Variants in BFSP1 observed in about 807,000 individuals in gnomAD.
BFSP1 encodes the protein beaded filament structural protein 1, also known as filensin.
In BFSP1, 38 loss-of-function variants were observed where a neutral mutation model predicts 43.9. The observed-to-expected ratio is 0.87, with a 90% confidence interval of 0.67 to 1.14. The LOEUF (loss-of-function observed/expected upper bound fraction) is 1.14, where lower values mean the gene tolerates loss of function less well. Among genes scored for constraint, BFSP1 ranks in the 50% most tolerant of loss-of-function variants. The pLI is 0.00. For missense variants in BFSP1, 850 were observed against 875.1 expected, an observed-to-expected ratio of 0.97 and a Z score of 0.36; for synonymous variants, 352 against 354.8, an observed-to-expected ratio of 0.99 and a Z score of 0.09.
In BFSP1 at chr20:17,497,559, T is replaced by TAC. The variant is rs1600630448; in HGVS notation, c.957-537_957-536insGT. On this transcript the variant is annotated intron_variant, in intron 6 of 7. Transcript: ENST00000377873. Reference sequence around the variant, plus strand: ...GTATATATGTGTGTATATATGTATATGTGTGTGTATATGTATATATACGTA... The same window carrying TAC: ...GTATATATGTGTGTATATATGTATATACGTGTGTGTATATGTATATATACGTA... 1.6e-4 allele frequency among the ~76,000 whole-genome samples: 6 copies of TAC among 37,930 alleles called. No homozygotes were observed. The East Asian group carries it at 5.6e-3, about 35-fold the overall frequency. The allele number at this position is 37,930 out of a possible 152,430, so 24.9% of individuals were successfully genotyped here.
At chr20:17,558,759 GC>G in exon 1 of BFSP1, 1 of 1,547,448 alleles carries the variant, frequency 6.5e-7, no homozygotes. Flanking sequence ...AAGGTGTGCT[GC>G]CTGCTGCCTG....
In BFSP1 at chr20:17,568,865, G is replaced by C. The variant is rs1049541594; in HGVS notation, n.50+306C>G. Among the ~76,000 whole-genome samples the C allele has an allele frequency of 2.6e-5, 4 of 151,544 alleles. No individual in the cohort carries two copies. The East Asian group carries it at 5.8e-4, about 22-fold the overall frequency. ...ATATTTGGAGAATTAAAATAGTTTT[G>C]GTCGAGGCCATGATGTTCTCGGTAA... On this transcript the variant is annotated intron_variant and non_coding_transcript_variant, in intron 1 of 6. Coordinates refer to the BFSP1 transcript ENST00000473415.
At chr20:17,542,602 A>C (rs1463714686) in intron 1 of BFSP1, among the ~76,000 whole-genome samples, 3 of 152,134 alleles carry the variant, frequency 2.0e-5, no homozygotes, top group Non-Finnish European at 4.4e-5. Flanking sequence ...CCATCTTAAA[A>C]AGAAAAAAAA....
chr20:17,509,187 TG>T (rs1471914247), intron 4 of BFSP1, among the ~76,000 whole-genome samples, 191 bp from the exon 5 acceptor site: 1 of 152,046 alleles, frequency 6.6e-6, no homozygotes, highest in Non-Finnish European at 1.5e-5. Context: ...GTCATGAGGA[TG>T]GGGGGCCCCA....
chr20:17,499,261 T>C lies in BFSP1; in HGVS notation c.736-221A>G, dbSNP rs2033734083. 3.6e-5 allele frequency among the ~76,000 whole-genome samples: 5 copies of C among 137,956 alleles called. No individual in the cohort carries two copies. In the Admixed American group the frequency reaches 3.7e-4, roughly 10 times the overall value. 90.5% of individuals were successfully genotyped at this position (137,956 alleles called of 152,430 possible). On this transcript the variant is annotated intron_variant, in intron 5 of 7. Coordinates refer to ENST00000377873, the MANE Select transcript of BFSP1 (RefSeq NM_001195.5). ...TACACAATTTTTTTTTTTTTTTTTT[T>C]TGATAGAGGATCTCACTTTGTCACC...
At chr20:17,555,301 A>C (rs1568718925) in intron 1 of BFSP1, among the ~76,000 whole-genome samples, 1 of 150,960 alleles carries the variant, frequency 6.6e-6, no homozygotes, top group African/African-American at 2.4e-5. Flanking sequence ...AAAAAAAAAA[A>C]AAAAAAAAAA....
chr20:17,564,929 TG>T (rs1204760730), intron 1 of BFSP1, among the ~76,000 whole-genome samples: 1 of 151,500 alleles, frequency 6.6e-6, no homozygotes, highest in Non-Finnish European at 1.5e-5. Flanking sequence ...TGTATACCCA[TG>T]TAACTTTTTT....
upstream of BFSP1, among the ~76,000 whole-genome samples, chr20:17,563,447 C>G (rs572460810): frequency 5.5e-5 from 8 of 144,372 alleles, no homozygotes; most frequent in African/African-American, 1.8e-4. Context: ...CCTCCCAGGT[C>G]AAACAATTTT....
intron 1 of BFSP1, among the ~76,000 whole-genome samples, chr20:17,528,847 T>C (rs1269102533): frequency 2.0e-5 from 3 of 152,152 alleles, no homozygotes; most frequent in East Asian, 3.8e-4. Context: ...AAGATTCAGA[T>C]TGAGAAACTG....
intron 6 of BFSP1, among the ~76,000 whole-genome samples, chr20:17,497,809 A>G (rs1471291274): frequency 1.3e-5 from 2 of 152,086 alleles, no homozygotes; most frequent in Non-Finnish European, 1.5e-5. Context: ...CAACATTTCT[A>G]TCAATTTAAA....
intron 1 of BFSP1, among the ~76,000 whole-genome samples, chr20:17,544,826 T>C (rs889685879): frequency 6.6e-6 from 1 of 152,212 alleles, no homozygotes; most frequent in Non-Finnish European, 1.5e-5. Flanking sequence ...ATCAAGCTTT[T>C]AGCAGCTGTA....
rs2033967440 is a variant in BFSP1, at chr20:17,507,508, G to A, written c.735+1381C>T. ...TGTCACTAGCCATTTGGAAAACACTGGTCTCTAGGACCACGACTGGGCTTG... is the reference window on the plus strand; with the variant it reads ...TGTCACTAGCCATTTGGAAAACACTAGTCTCTAGGACCACGACTGGGCTTG... On this transcript the variant is annotated intron_variant, in intron 5 of 7. Transcript: ENST00000377873. The surrounding 1 kb of genome is among the most constrained non-coding windows in gnomAD (Gnocchi z 4.4). 1.3e-5 allele frequency among the ~76,000 whole-genome samples: 2 copies of A among 151,846 alleles called. No homozygotes were observed. The highest frequency in any genetic ancestry group is 1.3e-4 in the Admixed American group (2 of 15,242).
intron 5 of BFSP1, among the ~76,000 whole-genome samples, chr20:17,501,504 C>T (rs574481042): frequency 9.8e-4 from 146 of 148,232 alleles, no homozygotes; most frequent in Non-Finnish European, 1.7e-3. Flanking sequence ...TGCAGTGAGC[C>T]GAGATCATGC....
intron 7 of BFSP1, 116 bp from the exon 8 acceptor site, chr20:17,495,145 G>A: frequency 1.0e-6 from 1 of 991,748 alleles, no homozygotes; most frequent in South Asian, 1.7e-5. Flanking sequence ...GTACTAGGGT[G>A]GGGCTTCCTT....
rs1343912543 is a variant in BFSP1, at chr20:17,549,292, C to A, written c.2+9396G>T. Among the ~76,000 whole-genome samples the A allele has an allele frequency of 6.6e-5, 10 of 152,308 alleles. No homozygotes were observed. The East Asian group carries it at 1.9e-3, about 29-fold the overall frequency. On this transcript the variant is annotated intron_variant, in intron 1 of 7. Coordinates refer to the BFSP1 transcript ENST00000377868. Reference sequence around the variant, plus strand: ...GCACTGCTATAAAGAAATACCAAGACTGAGTAATCTATAAAGAAAAGAGGT... The same window carrying A: ...GCACTGCTATAAAGAAATACCAAGAATGAGTAATCTATAAAGAAAAGAGGT...
At chr20:17,522,017 C>T (rs765061254) in intron 2 of BFSP1, among the ~76,000 whole-genome samples, 3 of 152,174 alleles carry the variant, frequency 2.0e-5, no homozygotes, top group Admixed American at 6.5e-5. Context: ...TCCCAGAGCC[C>T]GAGATGCAGG....
At chr20:17,541,570 T>C (rs771438458) in intron 1 of BFSP1, among the ~76,000 whole-genome samples, 12 of 152,226 alleles carry the variant, frequency 7.9e-5, no homozygotes, top group Non-Finnish European at 1.3e-4. Flanking sequence ...ACTATAGTTA[T>C]AAGACACATG....
chr20:17,527,632 G>A (rs1382829179), intron 1 of BFSP1, among the ~76,000 whole-genome samples: 3 of 152,158 alleles, frequency 2.0e-5, no homozygotes. Flanking sequence ...GGAGGCTGAG[G>A]CAGGAGAATA....
At chr20:17,505,470 G>A (rs2033912698) in intron 5 of BFSP1, among the ~76,000 whole-genome samples, 1 of 152,226 alleles carries the variant, frequency 6.6e-6, no homozygotes, top group African/African-American at 2.4e-5. Context: ...CCTAACCATA[G>A]GCGGAACCCG....
Sources: gnomAD v4.1 joint callset for allele counts (sites outside exome capture counted in the v4.1 genomes callset) on GRCh38, gnomAD v4.1.1 for gene constraint, Gnocchi (gnomAD v3.1) non-coding constraint, MANE v1.5 for transcripts, NCBI Gene and HGNC (gene_info 2026-07-23, HGNC 2026-07-21) for gene names.